NOL4: variants seen among roughly 807,000 people sequenced by gnomAD.
NOL4 encodes cancer/testis antigen 125.
NOL4 carries 17 observed loss-of-function variants against 75.9 expected under a neutral mutation model. The ratio of observed to expected loss-of-function variants is 0.22; its 90% CI spans 0.15 to 0.34. The LOEUF is 0.34. Ranked by LOEUF, NOL4 falls within the 10% of genes least tolerant of loss-of-function variation. NOL4 has a pLI of 1.00. For missense variants in NOL4, 614 were observed against 793.5 expected (o/e 0.77, Z 2.72); for synonymous variants, 292 against 289.9 (o/e 1.01, Z -0.07).
At chr18:33,864,410 A>T (rs1473233436) in intron 10 of NOL4, among the ~76,000 whole-genome samples, 1 of 152,180 alleles carries the variant, frequency 6.6e-6, no homozygotes, top group African/African-American at 2.4e-5. Flanking sequence ...CCACAGATCT[A>T]GGGCAGTGGC....
chr18:34,056,325 ACT>A (rs2076832182), intron 5 of NOL4, among the ~76,000 whole-genome samples: 1 of 151,874 alleles, frequency 6.6e-6, no homozygotes, highest in Non-Finnish European at 1.5e-5. Context: ...TGTTTGGGAG[ACT>A]CTCAAAACGT....
At chr18:33,980,297 C>T (rs1257065397) in intron 6 of NOL4, among the ~76,000 whole-genome samples, 1 of 151,960 alleles carries the variant, frequency 6.6e-6, no homozygotes, top group Non-Finnish European at 1.5e-5. Context: ...GGAAAAACTC[C>T]AAGGAAACTT....
At chr18:33,861,920 T>C (rs1406195991) in intron 10 of NOL4, among the ~76,000 whole-genome samples, 6 of 152,098 alleles carry the variant, frequency 3.9e-5, no homozygotes, top group Admixed American at 3.9e-4. Context: ...AAAAAACTAC[T>C]TTCAAGTTCA....
chr18:33,949,391 T>A (rs1209678917), intron 8 of NOL4, among the ~76,000 whole-genome samples: 2 of 152,084 alleles, frequency 1.3e-5, no homozygotes, highest in Non-Finnish European at 1.5e-5. Context: ...GGTGGACATA[T>A]AATCCAAATA....
chr18:33,979,368 C>A (rs2071759680), intron 6 of NOL4, among the ~76,000 whole-genome samples: 1 of 151,952 alleles, frequency 6.6e-6, no homozygotes. Context: ...TATGCTTAAG[C>A]AACATGCCAG....
intron 1 of NOL4, among the ~76,000 whole-genome samples, chr18:34,160,647 T>G (rs1158238372): frequency 6.6e-6 from 1 of 152,210 alleles, no homozygotes; most frequent in Non-Finnish European, 1.5e-5. Flanking sequence ...TCACTTTAAA[T>G]ACTAAAACAA....
intron 8 of NOL4, 150 bp from the exon 9 acceptor site, chr18:33,943,328 G>A (rs2068622014): frequency 1.7e-6 from 1 of 603,056 alleles, no homozygotes; most frequent in South Asian, 2.1e-5. Flanking sequence ...AAGAGGAAAT[G>A]GAAATTGTAA....
intron 6 of NOL4, among the ~76,000 whole-genome samples, chr18:33,979,725 G>A (rs2071794751): frequency 6.6e-6 from 1 of 151,804 alleles, no homozygotes; most frequent in Admixed American, 6.6e-5. Flanking sequence ...ACACTAAAAT[G>A]GATAAAGACC....
chr18:34,143,465 A>C (rs1020199181), intron 1 of NOL4, among the ~76,000 whole-genome samples: 2 of 152,148 alleles, frequency 1.3e-5, no homozygotes, highest in Admixed American at 1.3e-4. Context: ...TGGCAAATAA[A>C]ACTCCATACA....
chr18:33,943,986 C>A (rs773863017), intron 8 of NOL4, among the ~76,000 whole-genome samples: 2 of 151,732 alleles, frequency 1.3e-5, no homozygotes, highest in Non-Finnish European at 2.9e-5. Context: ...TCCATAATTA[C>A]ATGCAAAGTC....
intron 6 of NOL4, among the ~76,000 whole-genome samples, chr18:34,004,426 A>T (rs1487461223): frequency 2.0e-5 from 3 of 152,082 alleles, no homozygotes; most frequent in Non-Finnish European, 4.4e-5. Flanking sequence ...ATTCATTTAT[A>T]GTTATAACAC....
intron 1 of NOL4, among the ~76,000 whole-genome samples, chr18:34,169,457 G>A (rs2032792674): frequency 6.9e-6 from 1 of 145,510 alleles, no homozygotes. Flanking sequence ...TAACAGATTG[G>A]GCAAACAGGA....
At chr18:33,881,289 T>C (rs2064254644) in intron 10 of NOL4, among the ~76,000 whole-genome samples, 1 of 150,344 alleles carries the variant, frequency 6.7e-6, no homozygotes, top group South Asian at 2.1e-4. Context: ...GTTTTCTAGA[T>C]ATACAATCAT....
intron 5 of NOL4, among the ~76,000 whole-genome samples, chr18:34,080,594 G>T (rs1015279742): frequency 6.6e-6 from 1 of 152,122 alleles, no homozygotes; most frequent in Non-Finnish European, 1.5e-5. Context: ...TACTGTGAAG[G>T]CTGGGCCACT....
intron 1 of NOL4, among the ~76,000 whole-genome samples, chr18:34,145,078 A>G (rs1212287366): frequency 1.3e-5 from 2 of 152,128 alleles, no homozygotes; most frequent in Non-Finnish European, 2.9e-5. Context: ...AGACAAGAAC[A>G]CTGTTATATT....
chr18:34,056,268 C>T (rs548945407), intron 5 of NOL4, among the ~76,000 whole-genome samples: 2 of 152,298 alleles, frequency 1.3e-5, no homozygotes, highest in African/African-American at 4.8e-5. Flanking sequence ...AGCCATTATG[C>T]ACTGGATTTG....
At chr18:33,894,744 T>A (rs1402830503) in intron 9 of NOL4, among the ~76,000 whole-genome samples, 1 of 152,152 alleles carries the variant, frequency 6.6e-6, no homozygotes, top group Non-Finnish European at 1.5e-5. Flanking sequence ...AAAGGTTTGA[T>A]CTCACTTATA....
chr18:34,158,390 T>C (rs906995805), intron 1 of NOL4, among the ~76,000 whole-genome samples: 5 of 152,260 alleles, frequency 3.3e-5, no homozygotes, highest in African/African-American at 1.2e-4. Context: ...TGAGTGTAAG[T>C]AGTCGAATAT....
rs1200301366 is a variant in NOL4, at chr18:34,137,936, T to C, written c.265-7916A>G. Among the ~76,000 whole-genome samples, 5 of 152,212 alleles carry C rather than the reference T, an allele frequency of 3.3e-5. No homozygotes were observed. In the East Asian group the frequency reaches 7.7e-4, roughly 24 times the overall value. On this transcript the variant is annotated intron_variant, in intron 1 of 10. Transcript: ENST00000261592. ...TCAAATGTCCATGAACTGAAAAATG[T>C]ATAAGCAAAATGTGGCATAACCATA...
Sources: allele counts gnomAD v4.1 joint callset (sites outside exome capture counted in the v4.1 genomes callset), GRCh38; gene constraint gnomAD v4.1.1; transcripts MANE v1.5; gene names NCBI Gene and HGNC (gene_info 2026-07-23, HGNC 2026-07-21).